The following FKBP14 variants were observed in gnomAD, a reference collection of about 807,000 sequenced individuals.
The protein encoded by FKBP14 is peptidyl-prolyl cis-trans isomerase FKBP14.
FKBP14 carries 20 observed loss-of-function variants against 21.6 expected under a neutral mutation model. The observed-to-expected ratio is 0.92, with a 90% CI of 0.65 to 1.34. The LOEUF (loss-of-function observed/expected upper bound fraction) is 1.34. Ranked by LOEUF, FKBP14 falls within the 40% of genes most tolerant of loss-of-function variation. FKBP14 has a pLI of 0.00. For synonymous variants in FKBP14, 79 were observed against 86.7 expected (o/e 0.91, Z 0.49); for missense variants, 253 against 249.0 (o/e 1.02, Z -0.11).
In FKBP14 at chr7:30,022,778, A is replaced by G. The variant is rs760374832; in HGVS notation, c.236T>C (p.Leu79Pro). 2.5e-6 allele frequency: 4 copies of G among 1,614,178 alleles called. No individual in the cohort carries two copies. Among genetic ancestry groups the G allele is most frequent in the Non-Finnish European group, 3.4e-6 (4 of 1,180,014 alleles). The change falls in exon 2 of 4, where the codon CTG becomes CCG. Residue 79 changes from leucine to proline, a missense_variant. Transcript: ENST00000222803. ...ACCTTTGAGAGCCTCCAGGATGCCC[A>G]GGGTAAACCAAATGGGCTGACCATT... ...HNNGQPIWFT[L>P]GILEALKGWD...
At chr7:30,017,518 G>C (rs1046968287) in intron 3 of FKBP14, among the ~76,000 whole-genome samples, 42 of 151,644 alleles carry the variant, frequency 2.8e-4, no homozygotes, top group African/African-American at 1.0e-3. Context: ...GCAGTGAGCT[G>C]AGATCGCACC....
intron 1 of FKBP14, among the ~76,000 whole-genome samples, chr7:30,024,851 T>C (rs1398719884): frequency 6.6e-6 from 1 of 152,250 alleles, no homozygotes; most frequent in Non-Finnish European, 1.5e-5. Flanking sequence ...CACAGGTTTT[T>C]GGTTCAGAAA....
At chr7:30,025,684 T>G in intron 1 of FKBP14, 1 of 152,246 alleles carries the variant, frequency 6.6e-6, no homozygotes, top group East Asian at 1.9e-4. Flanking sequence ...GAAATGATAG[T>G]GTAACCACCT....
intron 3 of FKBP14, among the ~76,000 whole-genome samples, chr7:30,016,876 T>C (rs755398955): frequency 1.3e-5 from 2 of 152,158 alleles, no homozygotes; most frequent in Non-Finnish European, 2.9e-5. Context: ...ACATATAGTA[T>C]ATATTTATTT....
At chr7:30,006,407 G>A (rs576867166), downstream of FKBP14, among the ~76,000 whole-genome samples, 3 of 151,698 alleles carry the variant, frequency 2.0e-5, no homozygotes, top group Admixed American at 6.6e-5. Flanking sequence ...GATTACAGGC[G>A]TGAGCCACCA....
Position 30,014,425 on chromosome 7 carries a change from C to T in FKBP14, c.*310G>A, listed in dbSNP as rs1025886774. 3 of 176,008 alleles carry T rather than the reference C, an allele frequency of 1.7e-5. No individual in the cohort carries two copies. The highest frequency in any genetic ancestry group is 4.7e-5 in the African/African-American group (2 of 42,388). 10.9% of individuals were successfully genotyped at this position (176,008 alleles called of 1,614,324 possible). A position where few individuals can be genotyped will look rare whatever the true frequency, so the allele number is the denominator to read the frequency against. On this transcript the variant is annotated 3_prime_UTR_variant, in exon 4 of 4. Transcript: ENST00000222803. The stretch of plus-strand genomic sequence containing the variant: ...TTTGTGCTATAACCTGGTCTCATGT[C>T]GTGGTATATTCCCAGTTGCAACATT...
At chr7:30,022,457 A>T in intron 2 of FKBP14, 1 of 450,260 alleles carries the variant, frequency 2.2e-6, no homozygotes, top group Non-Finnish European at 3.9e-6. Flanking sequence ...TTCTTTTTTT[A>T]TTGTTAGCAT....
In FKBP14 at chr7:30,019,007, A is replaced by C; in HGVS notation, c.466T>G (p.Ser156Ala). 6.2e-7 allele frequency: 1 copy of C among 1,609,518 alleles called. No homozygotes were observed. Among genetic ancestry groups the C allele is most frequent in the Non-Finnish European group, 8.5e-7 (1 of 1,178,592 alleles). ...EMDLNDDWKL[S>A]KDEVKAYLKK... is the part of the protein sequence containing the mutation. ...GAAGGAAAGGTCACCTCATCTTTAG[A>C]GAGTTTCCAGTCATCATTAAGATCC... Residue 156 changes from serine (S) to alanine (A), a missense_variant, in exon 3 of 4, where the codon TCT becomes GCT. Coordinates refer to ENST00000222803, the MANE Select transcript of FKBP14 (RefSeq NM_017946.4).
chr7:30,014,934 G>C, intron 3 of FKBP14, 41 bp from the exon 4 acceptor site: 1 of 1,423,508 alleles, frequency 7.0e-7, no homozygotes, highest in Non-Finnish European at 9.5e-7. Flanking sequence ...GGATTCATAA[G>C]ATACCCACAT....
intron 1 of FKBP14, among the ~76,000 whole-genome samples, 165 bp from the exon 2 acceptor site, chr7:30,022,981 G>C (rs1473407294): frequency 6.6e-6 from 1 of 152,144 alleles, no homozygotes; most frequent in African/African-American, 2.4e-5. Context: ...CAAGTTTATA[G>C]GAATTCAATT....
chr7:30,015,954 G>T (rs193031687), intron 3 of FKBP14, among the ~76,000 whole-genome samples: 3 of 152,024 alleles, frequency 2.0e-5, no homozygotes, highest in Middle Eastern at 3.4e-3. Context: ...CTGTCACCCA[G>T]GCTGGAGTGC....
rs1377042020 is a variant in FKBP14 at position 30,026,229 on chromosome 7, A to G, written c.197+83T>C. 2.2e-6 allele frequency: 3 copies of G among 1,344,554 alleles called. No homozygotes were observed. The African/African-American group carries it at 4.4e-5, about 20-fold the overall frequency. The allele number at this position is 1,344,554 out of a possible 1,614,324, so 83.3% of individuals were successfully genotyped here. A position where few individuals can be genotyped will look rare whatever the true frequency, so the allele number is the denominator to read the frequency against. Reference sequence around the variant, plus strand: ...TTTTGTAAAAGAGGCAAAACCAGGTACAGGCCACCTTTCCTGCTGGAGAGC... The same window carrying G: ...TTTTGTAAAAGAGGCAAAACCAGGTGCAGGCCACCTTTCCTGCTGGAGAGC... On this transcript the variant is annotated intron_variant, in intron 1 of 3. Coordinates refer to ENST00000222803, the MANE Select transcript of FKBP14 (RefSeq NM_017946.4).
In FKBP14 at chr7:30,022,783, A is replaced by T; in HGVS notation, c.231T>A (p.Phe77Leu). The T allele has an allele frequency of 6.2e-7, 1 of 1,614,178 alleles. No homozygotes were observed. The highest frequency in any genetic ancestry group is 1.1e-5 in the South Asian group (1 of 91,078). Residue 77 changes from phenylalanine to leucine, a missense_variant, in exon 2 of 4, where the codon TTT becomes TTA. Coordinates refer to ENST00000222803, the MANE Select transcript of FKBP14 (RefSeq NM_017946.4). Reference protein sequence around the residue: ...HKHNNGQPIWFTLGILEALKG... With the variant: ...HKHNNGQPIWLTLGILEALKG... ...TGAGAGCCTCCAGGATGCCCAGGGTAAACCAAATGGGCTGACCATTGTTAT... is the reference window on the plus strand; with the variant it reads ...TGAGAGCCTCCAGGATGCCCAGGGTTAACCAAATGGGCTGACCATTGTTAT...
chr7:30,024,543 G>A (rs978165785), intron 1 of FKBP14, among the ~76,000 whole-genome samples: 1 of 152,174 alleles, frequency 6.6e-6, no homozygotes, highest in African/African-American at 2.4e-5. Context: ...TGGGATTACA[G>A]GTGCCCACCA....
rs1790068590 is a variant in FKBP14, at chr7:30,022,726, A to G, written c.288T>C (p.Cys96=). ...KGWDQGLKGM[C]VGEKRKLIIP... is the part of the protein sequence containing the mutation. ...TGATGAGCTTTCTCTTCTCTCCTAC[A>G]CACATTCCTTTCAAGCCCTGGTCCC... The change falls in exon 2 of 4, where the codon TGT becomes TGC. Residue 96 remains cysteine, a synonymous_variant. Coordinates refer to ENST00000222803, the MANE Select transcript of FKBP14 (RefSeq NM_017946.4). 5 of 1,614,178 alleles carry G rather than the reference A, an allele frequency of 3.1e-6. No individual in the cohort carries two copies. Among genetic ancestry groups the G allele is most frequent in the Non-Finnish European group, 3.4e-6 (4 of 1,180,020 alleles).
At chr7:30,010,320 T>C (rs1368499536), downstream of FKBP14, among the ~76,000 whole-genome samples, 1 of 152,188 alleles carries the variant, frequency 6.6e-6, no homozygotes, top group Non-Finnish European at 1.5e-5. Context: ...AAAAACACTT[T>C]CTTCAGTGCT....
At chr7:30,020,089 A>T in intron 2 of FKBP14, 1 of 258,024 alleles carries the variant, frequency 3.9e-6, no homozygotes, top group Non-Finnish European at 6.4e-6. Flanking sequence ...AACTATATTT[A>T]ACATACAGGT....
At chr7:30,015,446 AT>A (rs1311232925) in intron 3 of FKBP14, among the ~76,000 whole-genome samples, 18 of 109,186 alleles carry the variant, frequency 1.6e-4, no homozygotes, top group South Asian at 5.4e-4. Flanking sequence ...AATTAAAAAT[AT>A]ATATATATAT....
Position 30,014,897 on chromosome 7 carries a change from C to T in FKBP14, c.478-4G>A. On this transcript the variant is annotated splice_polypyrimidine_tract_variant and splice_region_variant and intron_variant, in intron 3 of 3. Transcript: ENST00000222803. The stretch of plus-strand genomic sequence containing the variant: ...CCTTCTTTAAATATGCTTTAACCTA[C>T]AAAATAACAGATCCCATTAATAACT... 1.3e-6 allele frequency: 2 copies of T among 1,569,726 alleles called. No individual in the cohort carries two copies. Among genetic ancestry groups the T allele is most frequent in the Non-Finnish European group, 1.7e-6 (2 of 1,162,392 alleles).
Sources: allele counts gnomAD v4.1 joint callset (sites outside exome capture counted in the v4.1 genomes callset), GRCh38; gene constraint gnomAD v4.1.1; transcripts MANE v1.5; gene names NCBI Gene and HGNC (gene_info 2026-07-23, HGNC 2026-07-21).